Variants in PTPRT observed in about 807,000 individuals in gnomAD.
PTPRT encodes protein tyrosine phosphatase receptor type T, also known as receptor-type tyrosine-protein phosphatase T.
In PTPRT, 56 loss-of-function variants were observed where a neutral mutation model predicts 176.8. The ratio of observed to expected loss-of-function variants is 0.32; its 90% CI spans 0.26 to 0.40. The LOEUF (loss-of-function observed/expected upper bound fraction) is 0.40, where lower values mean the gene tolerates loss of function less well. PTPRT is among the 10% of genes least tolerant of loss of function. PTPRT has a pLI of 1.00. For missense variants in PTPRT, 1,540 were observed against 1,908.2 expected (o/e 0.81, Z 3.60); for synonymous variants, 783 against 739.0 (o/e 1.06, Z -0.96).
In PTPRT at chr20:42,448,202, C is replaced by G. The variant is rs776363606; in HGVS notation, c.1560+18G>C. 6.4e-7 allele frequency: 1 copy of G among 1,571,732 alleles called. No individual in the cohort carries two copies. Among genetic ancestry groups the G allele is most frequent in the Non-Finnish European group, 8.8e-7 (1 of 1,141,966 alleles). On this transcript the variant is annotated intron_variant, in intron 9 of 30. Coordinates refer to ENST00000373187, the MANE Select transcript of PTPRT (RefSeq NM_007050.6). Reference sequence around the variant, plus strand: ...AATAAAGCTAAGCCAATGGATGCAGCACAAGGGACCTCCTTACCTCGTAGA... The same window carrying G: ...AATAAAGCTAAGCCAATGGATGCAGGACAAGGGACCTCCTTACCTCGTAGA...
chr20:42,971,988 G>A (rs1016938995), intron 1 of PTPRT, among the ~76,000 whole-genome samples: 7 of 151,776 alleles, frequency 4.6e-5, no homozygotes, highest in East Asian at 2.0e-4. Context: ...AACAATAAGC[G>A]AATAAGCAAA....
At chr20:42,062,326 C>T in the PTPRT span, among the ~76,000 whole-genome samples, 1 of 152,106 alleles carries the variant, frequency 6.6e-6, no homozygotes, top group Non-Finnish European at 1.5e-5. Flanking sequence ...ATTCTAAAAT[C>T]GGAAAAGAAG....
In PTPRT at chr20:43,178,121, C is replaced by T. The variant is rs369669775; in HGVS notation, c.88+11525G>A. On this transcript the variant is annotated intron_variant, in intron 1 of 30. Coordinates refer to ENST00000373187, the MANE Select transcript of PTPRT (RefSeq NM_007050.6). ...GCTGGGCATCTCACAAGTTGAAAAC[C>T]ATACATTTCCTCTTTTCCAGTAGGT... Among the ~76,000 whole-genome samples, 9 of 152,304 alleles carry T rather than the reference C, an allele frequency of 5.9e-5. No individual in the cohort carries two copies. The East Asian group carries it at 1.3e-3, about 23-fold the overall frequency.
chr20:43,148,982 A>G (rs1033895145), intron 1 of PTPRT, among the ~76,000 whole-genome samples: 1 of 152,208 alleles, frequency 6.6e-6, no homozygotes, highest in African/African-American at 2.4e-5. Flanking sequence ...CTTCTGCAAG[A>G]CAAATTAATG....
At chr20:42,525,050 A>T (rs1027334709) in intron 7 of PTPRT, among the ~76,000 whole-genome samples, 2 of 152,146 alleles carry the variant, frequency 1.3e-5, no homozygotes, top group Non-Finnish European at 2.9e-5. Context: ...TGCAGTGGTA[A>T]GATTACTGAT....
chr20:42,722,174 A>G (rs2076314347), intron 6 of PTPRT, among the ~76,000 whole-genome samples: 1 of 152,034 alleles, frequency 6.6e-6, no homozygotes, highest in African/African-American at 2.4e-5. Flanking sequence ...TCACCTGATG[A>G]ACTTGTTAAA....
chr20:43,032,079 C>T (rs1229369971), intron 1 of PTPRT, among the ~76,000 whole-genome samples: 1 of 152,144 alleles, frequency 6.6e-6, no homozygotes, highest in African/African-American at 2.4e-5. Flanking sequence ...GCACTATCAC[C>T]CATACCACCC....
At chr20:42,925,291 C>A (rs920948549) in intron 1 of PTPRT, among the ~76,000 whole-genome samples, 1 of 152,130 alleles carries the variant, frequency 6.6e-6, no homozygotes, top group Non-Finnish European at 1.5e-5. Flanking sequence ...AAAATGAAAA[C>A]CTGGTCTCAT....
At chr20:42,541,105 C>G (rs142410417) in intron 7 of PTPRT, among the ~76,000 whole-genome samples, 5 of 152,028 alleles carry the variant, frequency 3.3e-5, no homozygotes, top group African/African-American at 4.8e-5. Context: ...TTAAACTATG[C>G]GCACATAGAA....
intron 2 of PTPRT, among the ~76,000 whole-genome samples, chr20:42,860,186 A>G (rs1485407786): frequency 6.6e-6 from 1 of 152,208 alleles, no homozygotes; most frequent in East Asian, 1.9e-4. Flanking sequence ...AAGTTTGTCT[A>G]TAACATGTAC....
intron 17 of PTPRT, among the ~76,000 whole-genome samples, chr20:42,145,505 G>GATAGATAC (rs1346367661): frequency 6.8e-6 from 1 of 147,160 alleles, no homozygotes; most frequent in Non-Finnish European, 1.5e-5. Context: ...CTCATAGATA[G>GATAGATAC]ATAGATAGAT....
At position 42,350,496 on chromosome 20, in the gene PTPRT, C is replaced by T. The variant is rs557692080; in HGVS notation, c.1865+132G>A. On this transcript the variant is annotated intron_variant, in intron 11 of 30. Coordinates refer to ENST00000373187, the MANE Select transcript of PTPRT (RefSeq NM_007050.6). ...TTTGAACTGGGCTTGGGGCTGCTGA[C>T]CTCCTTCCTCCGAGGAAGCTTTGTT... 8 of 770,514 alleles carry T rather than the reference C, an allele frequency of 1.0e-5. No individual in the cohort carries two copies. In the East Asian group the frequency reaches 1.8e-4, roughly 17 times the overall value. 47.7% of individuals were successfully genotyped at this position (770,514 alleles called of 1,614,324 possible).
chr20:42,328,045 C>G (rs1190287196), intron 11 of PTPRT, among the ~76,000 whole-genome samples: 1 of 152,006 alleles, frequency 6.6e-6, no homozygotes, highest in Non-Finnish European at 1.5e-5. Flanking sequence ...CAAAATTCTG[C>G]ACAAATGAAA....
At chr20:42,579,354 T>C (rs1470552226) in intron 7 of PTPRT, among the ~76,000 whole-genome samples, 1 of 152,154 alleles carries the variant, frequency 6.6e-6, no homozygotes, top group Non-Finnish European at 1.5e-5. Flanking sequence ...TTGTGAATAG[T>C]GCTGCAATAA....
At chr20:42,414,295 A>G (rs1443551676) in intron 9 of PTPRT, among the ~76,000 whole-genome samples, 3 of 152,262 alleles carry the variant, frequency 2.0e-5, no homozygotes, top group African/African-American at 7.2e-5. Flanking sequence ...ATGACAAAAG[A>G]GAAAAGTATC....
At chr20:42,080,978 G>A (rs558735207) in intron 30 of PTPRT, 46 bp from the exon 31 acceptor site, 14 of 1,463,400 alleles carry the variant, frequency 9.6e-6, no homozygotes, top group African/African-American at 1.4e-5. Context: ...AAGAGGAGAC[G>A]AGAGAGATGA....
intron 7 of PTPRT, among the ~76,000 whole-genome samples, chr20:42,518,057 C>T (rs919204146): frequency 2.0e-5 from 3 of 151,952 alleles, no homozygotes; most frequent in African/African-American, 7.2e-5. Flanking sequence ...GTATTTGTCA[C>T]ATTCTCCTTG....
intron 7 of PTPRT, among the ~76,000 whole-genome samples, chr20:42,650,225 A>G (rs1747831437): frequency 6.6e-6 from 1 of 152,212 alleles, no homozygotes; most frequent in Admixed American, 6.5e-5. Context: ...AGTAAACAGC[A>G]GAACCAGGAC....
intron 2 of PTPRT, among the ~76,000 whole-genome samples, chr20:42,837,275 G>T (rs1463857048): frequency 1.3e-5 from 2 of 152,188 alleles, no homozygotes; most frequent in Non-Finnish European, 2.9e-5. Context: ...GCACCTTGCT[G>T]CCTCAGACAA....
Sources: gnomAD v4.1 joint callset for allele counts (sites outside exome capture counted in the v4.1 genomes callset) on GRCh38, gnomAD v4.1.1 for gene constraint, MANE v1.5 for transcripts, NCBI Gene and HGNC (gene_info 2026-07-23, HGNC 2026-07-21) for gene names.